Variants in TEX15 observed in about 807,000 individuals in gnomAD.
The protein encoded by TEX15 is testis-expressed protein 15.
Under a neutral mutation model 237.3 loss-of-function variants are expected in TEX15, and 171 were observed. The ratio of observed to expected loss-of-function variants is 0.72; its 90% CI spans 0.64 to 0.82. The LOEUF (loss-of-function observed/expected upper bound fraction) is 0.82, where lower values mean the gene tolerates loss of function less well. TEX15 is among the 40% of genes least tolerant of loss of function. TEX15 has a pLI of 0.00. For missense variants in TEX15, 3,750 were observed against 3,646.5 expected, an observed-to-expected ratio of 1.03 and a Z score of -0.73; for synonymous variants, 1,338 against 1,269.8, an observed-to-expected ratio of 1.05 and a Z score of -1.14.
intron 7 of TEX15, among the ~76,000 whole-genome samples, chr8:30,854,845 T>C (rs979188017): frequency 1.3e-4 from 20 of 152,140 alleles, no homozygotes; most frequent in Admixed American, 5.2e-4. Context: ...TCAATTAATG[T>C]AATACATTAT....
At chr8:30,838,182 A>G in intron 9 of TEX15, 121 bp from the exon 10 acceptor site, 4 of 882,038 alleles carry the variant, frequency 4.5e-6, no homozygotes, top group Middle Eastern at 3.6e-4. Flanking sequence ...ACGTTTTCCC[A>G]TTCTATTGGC....
At chr8:30,905,734 C>CAAAAAAAAAAAAAAAAAAA (rs34079195) in intron 1 of TEX15, among the ~76,000 whole-genome samples, 2 of 50,990 alleles carry the variant, frequency 3.9e-5, no homozygotes, top group Non-Finnish European at 6.9e-5. Context: ...ACAAAAAATA[C>CAAAAAAAAAAAAAAAAAAA]AAAAAAAAAA....
In TEX15 at chr8:30,847,244, A is replaced by G; in HGVS notation, c.2923T>C (p.Ser975Pro). Residue 975 changes from serine to proline, a missense_variant, in exon 8 of 11, where the codon TCT becomes CCT. By Grantham distance (74) the Ser-to-Pro change is moderately conservative. Coordinates refer to ENST00000643185, the MANE Select transcript of TEX15 (RefSeq NM_001350162.2). ...GCATTTGAGGCTACACACACTGAAG[A>G]ACTTGCAGTTTTGGGAAATGTCGTG... The part of the protein sequence containing the change: ...ASTTFPKTAS[S>P]SVCVASNAAI... The G allele has an allele frequency of 1.2e-6, 2 of 1,613,958 alleles. No homozygotes were observed. The highest frequency in any genetic ancestry group is 1.7e-6 in the Non-Finnish European group (2 of 1,179,872).
At position 30,846,377 on chromosome 8, in the gene TEX15, C is replaced by G. The variant is rs376688619; in HGVS notation, c.3790G>C (p.Glu1264Gln). The G allele has an allele frequency of 3.1e-5, 50 of 1,613,204 alleles. No homozygotes were observed. The highest frequency in any genetic ancestry group is 3.8e-5 in the Non-Finnish European group (45 of 1,179,694). ...TCTATTGTTGTGACATTAGAAGGTT[C>G]AGTAAACAAAGATTCACTGTTCTGA... The part of the protein sequence containing the change: ...ENQNSESLFT[E>Q]PSNVTTIDDG... Residue 1264 changes from glutamate (E) to glutamine (Q), a missense_variant, in exon 8 of 11, where the codon GAA becomes CAA. Coordinates refer to ENST00000643185, the MANE Select transcript of TEX15 (RefSeq NM_001350162.2).
At position 30,887,239 on chromosome 8, in the gene TEX15, C is replaced by A; in HGVS notation, c.64G>T (p.Val22Leu). ...GGATTGACTTCACGAGTATTCAACA[C>A]GGGTTTGCTAGTTGAGCTCATTTGC... ...LWQMSSTSKP[V>L]LNTREVNPLK... is the part of the protein sequence containing the mutation. The change falls in exon 3 of 11, where the codon GTG (valine) becomes TTG (leucine). Residue 22 changes from valine (V) to leucine (L), a missense_variant. By Grantham distance (32) the Val-to-Leu change is conservative (BLOSUM62 1). Coordinates refer to ENST00000643185, the MANE Select transcript of TEX15 (RefSeq NM_001350162.2). 6.5e-7 allele frequency: 1 copy of A among 1,535,810 alleles called. No individual in the cohort carries two copies. The highest frequency in any genetic ancestry group is 8.7e-7 in the Non-Finnish European group (1 of 1,146,770).
At chr8:30,901,387 G>C (rs958028353) in intron 1 of TEX15, among the ~76,000 whole-genome samples, 1 of 152,032 alleles carries the variant, frequency 6.6e-6, no homozygotes, top group African/African-American at 2.4e-5. Context: ...AGAAAAAAAG[G>C]CTTACAGAAG....
Position 30,845,248 on chromosome 8 carries a change from A to C in TEX15, c.4919T>G (p.Ile1640Arg), listed in dbSNP as rs564385343. Residue 1640 changes from isoleucine (I) to arginine (R), a missense_variant, in exon 8 of 11, where the codon ATA becomes AGA. Coordinates refer to ENST00000643185, the MANE Select transcript of TEX15 (RefSeq NM_001350162.2). ...GTCAGTTTTCGCCTTTGTGTGACCT[A>C]TGCAAGTTGCATCACAATCGTTGCC... ...STGNDCDATCIGHTKAKTDVL... is the reference protein window; with the variant it reads ...STGNDCDATCRGHTKAKTDVL... The C allele has an allele frequency of 3.7e-6, 6 of 1,613,512 alleles. No homozygotes were observed. The African/African-American group carries it at 6.7e-5, about 18-fold the overall frequency.
intron 7 of TEX15, among the ~76,000 whole-genome samples, chr8:30,854,376 C>G (rs1807858899): frequency 6.6e-6 from 1 of 151,120 alleles, no homozygotes; most frequent in African/African-American, 2.4e-5. Flanking sequence ...CAAATGTATG[C>G]TAATAAATTA....
chr8:30,885,077 T>C (rs1430584451), intron 3 of TEX15, among the ~76,000 whole-genome samples: 3 of 152,194 alleles, frequency 2.0e-5, no homozygotes, highest in Non-Finnish European at 4.4e-5. Context: ...TTTGATGCTT[T>C]TATTATTTAG....
rs201903468 is a variant in TEX15, at chr8:30,848,420, C to A, written c.1747G>T (p.Asp583Tyr). 1.2e-5 allele frequency: 19 copies of A among 1,614,084 alleles called. No individual in the cohort carries two copies. Among genetic ancestry groups the A allele is most frequent in the Non-Finnish European group, 1.6e-5 (19 of 1,180,016 alleles). Reference sequence around the variant, plus strand: ...GTTTTTAAATCAGAAGACTGCGAGTCCTGAAAAATGTGACTACTGTACTCT... The same window carrying A: ...GTTTTTAAATCAGAAGACTGCGAGTACTGAAAAATGTGACTACTGTACTCT... ...TKEYSSHIFQ[D>Y]SQSSDLKTIY... is the part of the protein sequence containing the mutation. The change falls in exon 8 of 11, where the codon GAC becomes TAC. Residue 583 changes from aspartate to tyrosine, a missense_variant. Transcript: ENST00000643185.
chr8:30,906,907 G>A (rs544966427), intron 1 of TEX15, among the ~76,000 whole-genome samples: 3 of 152,180 alleles, frequency 2.0e-5, no homozygotes, highest in Non-Finnish European at 4.4e-5. Flanking sequence ...ATTTTCTAGA[G>A]AGAAAAATGG....
chr8:30,856,799 G>A (rs2128769956), intron 7 of TEX15, among the ~76,000 whole-genome samples: 1 of 151,864 alleles, frequency 6.6e-6, no homozygotes, highest in South Asian at 2.1e-4. Flanking sequence ...AACTGACATG[G>A]GAGAAACACA....
chr8:30,858,906 AAT>A, intron 6 of TEX15, 76 bp from the exon 7 acceptor site: 1 of 1,015,060 alleles, frequency 9.9e-7, no homozygotes, highest in South Asian at 1.9e-5. Context: ...TTAAAAAATC[AAT>A]ATAATTGCAT....
chr8:30,849,055 G>C lies in TEX15; in HGVS notation c.1112C>G (p.Thr371Ser), dbSNP rs1200250946. 1.2e-6 allele frequency: 2 copies of C among 1,614,042 alleles called. No homozygotes were observed. The highest frequency in any genetic ancestry group is 1.7e-6 in the Non-Finnish European group (2 of 1,179,988). Residue 371 changes from threonine to serine, a missense_variant, in exon 8 of 11, where the codon ACT becomes AGT. Coordinates refer to ENST00000643185, the MANE Select transcript of TEX15 (RefSeq NM_001350162.2). ...TEHSLAEIRD[T>S]SQVLAHDSDI... is the part of the protein sequence containing the mutation. Reference sequence around the variant, plus strand: ...TGAATCATGTGCAAGTACTTGAGAAGTGTCTCTAATTTCTGCTAAACTGTG... The same window carrying C: ...TGAATCATGTGCAAGTACTTGAGAACTGTCTCTAATTTCTGCTAAACTGTG...
At chr8:30,889,064 G>A (rs903362573) in intron 2 of TEX15, among the ~76,000 whole-genome samples, 4 of 152,160 alleles carry the variant, frequency 2.6e-5, no homozygotes, top group African/African-American at 4.8e-5. Flanking sequence ...AAACATCTTC[G>A]ATTAATCATG....
intron 4 of TEX15, among the ~76,000 whole-genome samples, chr8:30,867,864 G>T (rs1808206662): frequency 6.6e-6 from 1 of 152,018 alleles, no homozygotes; most frequent in Admixed American, 6.6e-5. Context: ...TTTAAAATGA[G>T]GAAAATGAGG....
intron 3 of TEX15, among the ~76,000 whole-genome samples, chr8:30,882,333 C>T (rs1808546924): frequency 6.6e-6 from 1 of 152,248 alleles, no homozygotes; most frequent in Non-Finnish European, 1.5e-5. Flanking sequence ...GTCACCCAGG[C>T]TGGAGTGTAG....
At position 30,848,584 on chromosome 8, in the gene TEX15, A is replaced by G; in HGVS notation, c.1583T>C (p.Met528Thr). 3 of 1,614,126 alleles carry G rather than the reference A, an allele frequency of 1.9e-6. No individual in the cohort carries two copies. The highest frequency in any genetic ancestry group is 2.5e-6 in the Non-Finnish European group (3 of 1,180,024). Reference protein sequence around the residue: ...YDCIPPNKVTMAGQCKDQGNF... With the variant: ...YDCIPPNKVTTAGQCKDQGNF... ...ACCTTGGTCCTTACATTGCCCTGCC[A>G]TGGTAACTTTATTGGGAGGTATACA... The change falls in exon 8 of 11, where the codon ATG becomes ACG. Residue 528 changes from methionine to threonine, a missense_variant. By Grantham distance (81) the Met-to-Thr change is moderately conservative. Coordinates refer to ENST00000643185, the MANE Select transcript of TEX15 (RefSeq NM_001350162.2).
rs754130854 is a variant in TEX15 at position 30,901,628 on chromosome 8, T to C, written c.-85-2811A>G. Among the ~76,000 whole-genome samples the C allele has an allele frequency of 5.8e-4, 88 of 152,202 alleles. 4 individuals carry two copies. The highest frequency in any genetic ancestry group is 6.5e-4 in the Admixed American group (10 of 15,280). On this transcript the variant is annotated intron_variant, in intron 1 of 10. Transcript: ENST00000643185. ...AACTTAAGCAACGTATGTTTGAGTA[T>C]ATAATAATATTGGAAAAATTAAGCT...
Sources: gnomAD v4.1 joint callset for allele counts (sites outside exome capture counted in the v4.1 genomes callset) on GRCh38, gnomAD v4.1.1 for gene constraint, MANE v1.5 for transcripts, NCBI Gene and HGNC (gene_info 2026-07-23, HGNC 2026-07-21) for gene names.